Variants in ZNF469 observed in about 807,000 individuals in gnomAD.
ZNF469 encodes zinc finger protein 469.
Under a neutral mutation model 1.0 loss-of-function variants are expected in ZNF469, and 1 was observed. The observed-to-expected ratio is 1.00, with a 90% CI of 0.35 to 4.73. ZNF469 has a LOEUF of 4.73. Among genes scored for constraint, ZNF469 ranks in the 30% most tolerant of loss-of-function variants. ZNF469 has a pLI of 0.16. For missense variants in ZNF469, 6,100 were observed against 5,356.3 expected (o/e 1.14, Z -4.33); for synonymous variants, 2,703 against 2,363.4 (o/e 1.14, Z -4.17).
the ZNF469 span, among the ~76,000 whole-genome samples, chr16:88,342,519 C>G: frequency 1.3e-5 from 2 of 152,156 alleles, no homozygotes; most frequent in Admixed American, 6.5e-5. Flanking sequence ...GGTGGGGGCC[C>G]ACTGCCCTGC....
rs1203034913 is a variant in ZNF469 at position 88,437,321 on chromosome 16, G to A, written c.9851G>A (p.Gly3284Glu). Reference sequence around the variant, plus strand: ...CGCAGCACCCCCAGCAACCCAGACGGGGCCGCGACCCCAGACAGCGCCTCT... The same window carrying A: ...CGCAGCACCCCCAGCAACCCAGACGAGGCCGCGACCCCAGACAGCGCCTCT... ...RARSTPSNPD[G>E]AATPDSASAT... The change falls in exon 3 of 3, where the codon GGG (glycine) becomes GAG (glutamate). Residue 3284 changes from glycine to glutamate, a missense_variant. Transcript: ENST00000565624. 12 of 1,547,042 alleles carry A rather than the reference G, an allele frequency of 7.8e-6. No homozygotes were observed. The African/African-American group carries it at 1.1e-4, about 14-fold the overall frequency.
At chr16:88,105,184 C>T in the ZNF469 span, among the ~76,000 whole-genome samples, 1 of 152,152 alleles carries the variant, frequency 6.6e-6, no homozygotes, top group Non-Finnish European at 1.5e-5. Context: ...GATGGTGCCA[C>T]TGCACTCCAG....
chr16:88,245,150 GT>G, the ZNF469 span, among the ~76,000 whole-genome samples: 141 of 152,310 alleles, frequency 9.3e-4, 1 homozygote, highest in Middle Eastern at 3.4e-3. Flanking sequence ...GAAAGAAGGG[GT>G]GTGTTCTGAG....
the ZNF469 span, among the ~76,000 whole-genome samples, chr16:88,158,773 C>T: frequency 5.3e-5 from 8 of 152,180 alleles, no homozygotes; most frequent in African/African-American, 1.9e-4. Context: ...GAAGCCAGGC[C>T]GAGTCAGAGT....
chr16:88,208,779 G>A, the ZNF469 span, among the ~76,000 whole-genome samples: 8,147 of 133,524 alleles, frequency 0.061, 329 homozygotes, highest in Middle Eastern at 0.11. Flanking sequence ...GCGTGCGCGC[G>A]CACACACACA....
At chr16:88,107,977 G>A in the ZNF469 span, among the ~76,000 whole-genome samples, 3 of 152,274 alleles carry the variant, frequency 2.0e-5, no homozygotes, top group South Asian at 6.2e-4. Flanking sequence ...AGGTCTCGCT[G>A]ACCCCAGAGT....
At chr16:88,372,057 TACCACCATCATCACCATC>T in the ZNF469 span, among the ~76,000 whole-genome samples, 22,677 of 45,602 alleles carry the variant, frequency 0.5, 4,591 homozygotes, top group East Asian at 0.75. Context: ...TCACCATGAT[TACCACCATCATCACCATC>T]ACCACCATCA....
At chr16:88,199,905 G>T in the ZNF469 span, among the ~76,000 whole-genome samples, 1 of 152,212 alleles carries the variant, frequency 6.6e-6, no homozygotes, top group Non-Finnish European at 1.5e-5. Flanking sequence ...GACTCCAAAG[G>T]TGAGGCCGGA....
the ZNF469 span, among the ~76,000 whole-genome samples, chr16:88,241,338 G>A: frequency 9.4e-5 from 14 of 149,236 alleles, no homozygotes; most frequent in African/African-American, 3.3e-4. The surrounding 1 kb of genome is among the most constrained non-coding windows in gnomAD (Gnocchi z 4.8). Flanking sequence ...TAGCCTGGGC[G>A]GCAGGGTGAG....
the ZNF469 span, among the ~76,000 whole-genome samples, chr16:88,281,674 G>A: frequency 3.3e-5 from 5 of 150,710 alleles, no homozygotes; most frequent in East Asian, 9.8e-4. Flanking sequence ...TTAGTGCTGT[G>A]CCACACCAAC....
At chr16:88,147,296 C>T in the ZNF469 span, among the ~76,000 whole-genome samples, 1 of 152,176 alleles carries the variant, frequency 6.6e-6, no homozygotes, top group East Asian at 1.9e-4. Context: ...CCAGCCTGCC[C>T]GTGCCCTCAC....
intron 1 of ZNF469, among the ~76,000 whole-genome samples, chr16:88,407,704 G>C (rs1269039533): frequency 6.6e-6 from 1 of 152,200 alleles, no homozygotes; most frequent in Non-Finnish European, 1.5e-5. Context: ...TAGCCCCCAA[G>C]TCCCACCTGT....
chr16:88,170,434 C>T, the ZNF469 span, among the ~76,000 whole-genome samples: 2 of 152,170 alleles, frequency 1.3e-5, no homozygotes, highest in Non-Finnish European at 2.9e-5. The surrounding 1 kb of genome is among the most constrained non-coding windows in gnomAD (Gnocchi z 4.2). Context: ...TGGACACCTC[C>T]CCATTCCCTC....
At chr16:88,423,215 AT>A (rs1905561195) in intron 1 of ZNF469, among the ~76,000 whole-genome samples, 1 of 122,704 alleles carries the variant, frequency 8.1e-6, no homozygotes. Context: ...GGGTAGATGG[AT>A]GGATGGATAG....
At chr16:88,173,483 C>T in the ZNF469 span, among the ~76,000 whole-genome samples, 1 of 152,030 alleles carries the variant, frequency 6.6e-6, no homozygotes, top group Non-Finnish European at 1.5e-5. Flanking sequence ...TTAAAGGCTT[C>T]CTTCAACATT....
At chr16:88,133,999 G>A in the ZNF469 span, among the ~76,000 whole-genome samples, 3 of 152,208 alleles carry the variant, frequency 2.0e-5, no homozygotes, top group Non-Finnish European at 4.4e-5. Context: ...AGAGGCTGAG[G>A]CAGGACAATC....
chr16:88,417,883 C>T (rs569878011), intron 1 of ZNF469, among the ~76,000 whole-genome samples: 3 of 152,326 alleles, frequency 2.0e-5, no homozygotes, highest in South Asian at 2.1e-4. Flanking sequence ...GATGTATGCA[C>T]GTATGAGCAT....
chr16:88,356,086 G>T, the ZNF469 span, among the ~76,000 whole-genome samples: 3 of 152,100 alleles, frequency 2.0e-5, no homozygotes, highest in Non-Finnish European at 2.9e-5. Flanking sequence ...AAATCAGACC[G>T]CACGCCCCGC....
the ZNF469 span, among the ~76,000 whole-genome samples, chr16:88,195,907 C>T: frequency 2.6e-5 from 4 of 152,200 alleles, no homozygotes; most frequent in East Asian, 1.9e-4. Flanking sequence ...GAGACAACAC[C>T]GAGCAGGACT....
Sources: gnomAD v4.1 joint callset for allele counts (sites outside exome capture counted in the v4.1 genomes callset) on GRCh38, gnomAD v4.1.1 for gene constraint, Gnocchi (gnomAD v3.1) non-coding constraint, MANE v1.5 for transcripts, NCBI Gene and HGNC (gene_info 2026-07-23, HGNC 2026-07-21) for gene names.